RAB38: variants seen among roughly 807,000 people sequenced by gnomAD.
RAB38 encodes ras-related protein Rab-38.
A neutral mutation model predicts 18.4 loss-of-function variants in RAB38; 15 were observed. The observed-to-expected ratio is 0.82, with a 90% confidence interval of 0.55 to 1.26. The LOEUF (loss-of-function observed/expected upper bound fraction) is 1.26, where lower values mean the gene tolerates loss of function less well. RAB38 is among the 50% of genes most tolerant of loss of function. The pLI is 0.00. For missense variants in RAB38, 294 were observed against 267.4 expected (o/e 1.10, Z -0.69); for synonymous variants, 101 against 104.4 (o/e 0.97, Z 0.20).
At chr11:87,907,278 G>C in the RAB38 span, among the ~76,000 whole-genome samples, 2 of 151,858 alleles carry the variant, frequency 1.3e-5, no homozygotes, top group East Asian at 3.9e-4. Flanking sequence ...ATTTTATTTT[G>C]CATTGCTTTT....
chr11:88,010,655 G>T, the RAB38 span, among the ~76,000 whole-genome samples: 1 of 151,974 alleles, frequency 6.6e-6, no homozygotes, highest in Admixed American at 6.6e-5. Flanking sequence ...TCCTTATTTT[G>T]GTTCAGTATT....
At chr11:88,159,238 A>AAATAAAT (rs1943160713) in intron 1 of RAB38, among the ~76,000 whole-genome samples, 2 of 121,976 alleles carry the variant, frequency 1.6e-5, no homozygotes, top group African/African-American at 6.1e-5. Flanking sequence ...AATAAATAAA[A>AAATAAAT]ATAAAATAAA....
At chr11:87,920,214 T>A in the RAB38 span, among the ~76,000 whole-genome samples, 1 of 151,960 alleles carries the variant, frequency 6.6e-6, no homozygotes, top group African/African-American at 2.4e-5. Context: ...TCTTTTTCTG[T>A]TTCTCTAAGG....
At chr11:88,056,606 C>A in the RAB38 span, among the ~76,000 whole-genome samples, 1 of 152,152 alleles carries the variant, frequency 6.6e-6, no homozygotes, top group South Asian at 2.1e-4. Flanking sequence ...AGTTTGAGAC[C>A]ATCCTGGCTA....
chr11:87,935,140 G>C, the RAB38 span, among the ~76,000 whole-genome samples: 8 of 105,994 alleles, frequency 7.5e-5, no homozygotes, highest in South Asian at 8.8e-4. Context: ...AGAAATTAAG[G>C]GTTGCTATAT....
chr11:88,069,338 G>C, the RAB38 span, among the ~76,000 whole-genome samples: 48,080 of 152,132 alleles, frequency 0.32, 8,316 homozygotes, highest in South Asian at 0.4. Context: ...GCCCCCCAGG[G>C]TGGGCTCCCA....
chr11:88,162,417 C>T (rs1565220879), intron 1 of RAB38, among the ~76,000 whole-genome samples: 1 of 151,900 alleles, frequency 6.6e-6, no homozygotes, highest in African/African-American at 2.4e-5. Context: ...CAATATGGTC[C>T]CCATGCTGAG....
At chr11:87,969,302 C>A in the RAB38 span, among the ~76,000 whole-genome samples, 6 of 151,922 alleles carry the variant, frequency 3.9e-5, no homozygotes, top group Non-Finnish European at 7.4e-5. Context: ...CACACATATC[C>A]CCCCCCAATA....
At chr11:87,808,419 C>T in the RAB38 span, among the ~76,000 whole-genome samples, 16 of 152,232 alleles carry the variant, frequency 1.1e-4, no homozygotes, top group African/African-American at 3.6e-4. Context: ...AATGGATGAA[C>T]CTCAAGGATA....
At chr11:88,129,774 A>T (rs1942744946) in intron 2 of RAB38, among the ~76,000 whole-genome samples, 1 of 152,244 alleles carries the variant, frequency 6.6e-6, no homozygotes, top group Non-Finnish European at 1.5e-5. Flanking sequence ...AGATACACAC[A>T]TATTTCTTAT....
At chr11:88,028,262 A>C in the RAB38 span, among the ~76,000 whole-genome samples, 2 of 152,160 alleles carry the variant, frequency 1.3e-5, no homozygotes, top group Non-Finnish European at 2.9e-5. Context: ...AAGTAGATAA[A>C]ACCACAAAGA....
At chr11:88,123,589 G>A (rs773315623) in intron 2 of RAB38, among the ~76,000 whole-genome samples, 12 of 152,176 alleles carry the variant, frequency 7.9e-5, no homozygotes, top group Non-Finnish European at 1.8e-4. Context: ...CTGAACTACT[G>A]TAGGCTTTGC....
chr11:87,881,768 T>G, the RAB38 span, among the ~76,000 whole-genome samples: 3 of 151,854 alleles, frequency 2.0e-5, no homozygotes, highest in Non-Finnish European at 2.9e-5. Flanking sequence ...ATAGTCACAT[T>G]CTTATACCTT....
the RAB38 span, among the ~76,000 whole-genome samples, chr11:88,070,429 G>A: frequency 5.9e-5 from 9 of 152,322 alleles, no homozygotes; most frequent in Admixed American, 3.3e-4. Flanking sequence ...GCGAGGGTCC[G>A]CGGCTTCATT....
chr11:87,926,524 G>GTTTA, the RAB38 span, among the ~76,000 whole-genome samples: 1 of 151,610 alleles, frequency 6.6e-6, no homozygotes, highest in Non-Finnish European at 1.5e-5. Flanking sequence ...TTGTTTGTTT[G>GTTTA]TTTGTTTGTT....
intron 2 of RAB38, among the ~76,000 whole-genome samples, chr11:88,130,249 T>G (rs934369046): frequency 6.6e-6 from 1 of 152,148 alleles, no homozygotes; most frequent in Non-Finnish European, 1.5e-5. Flanking sequence ...CTAGTTTGAC[T>G]ACAGGAACAT....
At chr11:88,019,044 T>G in the RAB38 span, among the ~76,000 whole-genome samples, 3 of 152,184 alleles carry the variant, frequency 2.0e-5, no homozygotes, top group Non-Finnish European at 4.4e-5. Context: ...TTTGATGAAT[T>G]ATTTTTATCT....
chr11:88,079,312 T>C, the RAB38 span, among the ~76,000 whole-genome samples: 5 of 151,774 alleles, frequency 3.3e-5, no homozygotes, highest in African/African-American at 4.8e-5. Flanking sequence ...GTCAAAAAGA[T>C]GATAGCTAGA....
chr11:88,138,845 C>T (rs760122125), intron 2 of RAB38, among the ~76,000 whole-genome samples: 52 of 151,026 alleles, frequency 3.4e-4, no homozygotes, highest in African/African-American at 1.1e-3. Flanking sequence ...TGCAATGGCG[C>T]GATCTCGGCT....
Sources: gnomAD v4.1 joint callset for allele counts (sites outside exome capture counted in the v4.1 genomes callset) on GRCh38, gnomAD v4.1.1 for gene constraint, MANE v1.5 for transcripts, NCBI Gene and HGNC (gene_info 2026-07-23, HGNC 2026-07-21) for gene names.